Variants in MAST4 observed in about 807,000 individuals in gnomAD.
MAST4 encodes microtubule-associated serine/threonine-protein kinase 4.
MAST4 carries 89 observed loss-of-function variants against 162.7 expected under a neutral mutation model. The ratio of observed to expected loss-of-function variants is 0.55; its 90% confidence interval spans 0.46 to 0.65. The LOEUF (loss-of-function observed/expected upper bound fraction) is 0.65, where lower values mean the gene tolerates loss of function less well. Ranked by LOEUF, MAST4 falls within the 30% of genes least tolerant of loss-of-function variation. The probability of loss-of-function intolerance (pLI) is 0.00; values close to 1 mark genes in which losing one functional copy is unlikely to be tolerated. For missense variants in MAST4, 3,153 were observed against 3,374.0 expected, an observed-to-expected ratio of 0.93 and a Z score of 1.62; for synonymous variants, 1,479 against 1,361.1, an observed-to-expected ratio of 1.09 and a Z score of -1.91.
intron 1 of MAST4, among the ~76,000 whole-genome samples, chr5:66,734,612 C>G (rs1040870316): frequency 1.3e-5 from 2 of 152,132 alleles, no homozygotes; most frequent in Admixed American, 1.3e-4. Flanking sequence ...GTATTGCTGT[C>G]CAATAGCGCT....
chr5:66,952,244 C>T (rs1744796138), intron 4 of MAST4, among the ~76,000 whole-genome samples: 1 of 152,120 alleles, frequency 6.6e-6, no homozygotes, highest in Non-Finnish European at 1.5e-5. Context: ...CCACCCTGAT[C>T]TTTTCTCATA....
Position 67,163,081 on chromosome 5 carries a change from C to G in MAST4, c.3968-66C>G, listed in dbSNP as rs1042838205. ...CTGGCCTTACCTAATACAGTCTGGGCTACAACTGTGAAAAAAAGGGGAAAA... is the reference window on the plus strand; with the variant it reads ...CTGGCCTTACCTAATACAGTCTGGGGTACAACTGTGAAAAAAAGGGGAAAA... On this transcript the variant is annotated intron_variant, in intron 28 of 28. Coordinates refer to ENST00000403625, the MANE Select transcript of MAST4 (RefSeq NM_001164664.2). This position sits in a 1 kb window ranked among gnomAD's most constrained non-coding sequence, Gnocchi z 7.0. 2.6e-6 allele frequency: 4 copies of G among 1,520,924 alleles called. No individual in the cohort carries two copies. In the African/African-American group the frequency reaches 4.1e-5, roughly 16 times the overall value. 94.2% of individuals were successfully genotyped at this position (1,520,924 alleles called of 1,614,324 possible). A position where few individuals can be genotyped will look rare whatever the true frequency, so the allele number is the denominator to read the frequency against.
At chr5:67,033,657 TA>T (rs1755661477) in intron 4 of MAST4, among the ~76,000 whole-genome samples, 1 of 152,134 alleles carries the variant, frequency 6.6e-6, no homozygotes, top group Non-Finnish European at 1.5e-5. Flanking sequence ...TAGATTTCGT[TA>T]TATGATAAGC....
At chr5:66,963,649 A>C in intron 4 of MAST4, 1 of 777,310 alleles carries the variant, frequency 1.3e-6, no homozygotes, top group Non-Finnish European at 2.4e-6. Flanking sequence ...TAACTGAGCT[A>C]TGCTATTTTT....
chr5:67,144,351 G>A (rs564551934), intron 21 of MAST4, among the ~76,000 whole-genome samples: 1 of 152,080 alleles, frequency 6.6e-6, no homozygotes, highest in Non-Finnish European at 1.5e-5. Context: ...TTGATCCCAA[G>A]GCCTAGAAAC....
chr5:66,606,962 AATTAAAT>A (rs1252972282), intron 1 of MAST4, among the ~76,000 whole-genome samples: 128 of 148,300 alleles, frequency 8.6e-4, no homozygotes, highest in African/African-American at 3.0e-3. Context: ...TACTCATTTA[AATTAAAT>A]ATTAAATGAG....
At chr5:66,679,469 G>A (rs1198328998) in intron 1 of MAST4, among the ~76,000 whole-genome samples, 1 of 152,172 alleles carries the variant, frequency 6.6e-6, no homozygotes, top group Non-Finnish European at 1.5e-5. Flanking sequence ...TTCTGTGTCA[G>A]AGTACTTTGC....
chr5:67,087,765 C>T (rs559238242), intron 5 of MAST4, among the ~76,000 whole-genome samples: 11 of 152,154 alleles, frequency 7.2e-5, no homozygotes, highest in Non-Finnish European at 1.5e-4. Flanking sequence ...TATATATTTG[C>T]ATTTTAATTT....
At chr5:66,918,963 C>T (rs1468613246) in intron 4 of MAST4, among the ~76,000 whole-genome samples, 1 of 152,034 alleles carries the variant, frequency 6.6e-6, no homozygotes, top group African/African-American at 2.4e-5. Flanking sequence ...ATTAGCTGGG[C>T]ATGGTGGCAC....
At chr5:66,695,363 C>T (rs1324273864) in intron 1 of MAST4, among the ~76,000 whole-genome samples, 2 of 152,080 alleles carry the variant, frequency 1.3e-5, no homozygotes, top group African/African-American at 4.8e-5. Flanking sequence ...TATTCTGTTC[C>T]ATTGGTCTAT....
At chr5:66,974,815 A>G (rs1376868631) in intron 4 of MAST4, among the ~76,000 whole-genome samples, 2 of 152,238 alleles carry the variant, frequency 1.3e-5, no homozygotes, top group African/African-American at 2.4e-5. Flanking sequence ...TTTGCAAAGT[A>G]TAAGAGTTGT....
At chr5:67,134,494 A>G (rs368465778) in intron 17 of MAST4, 29 bp from the exon 18 acceptor site, 22 of 1,594,172 alleles carry the variant, frequency 1.4e-5, no homozygotes, top group Middle Eastern at 1.7e-4. Flanking sequence ...TAATATTCCA[A>G]TTATTCTAAT....
intron 1 of MAST4, among the ~76,000 whole-genome samples, chr5:66,608,387 G>C (rs78286256): frequency 5.2e-5 from 2 of 38,620 alleles, no homozygotes; most frequent in South Asian, 1.6e-3. Context: ...TTTTTTTTTT[G>C]ATGGCGAGAA....
At chr5:67,121,209 T>C (rs1767543242) in intron 14 of MAST4, 107 bp downstream of exon 14, 3 of 822,946 alleles carry the variant, frequency 3.6e-6, no homozygotes, top group Middle Eastern at 3.0e-4. Context: ...GGGACTTGAC[T>C]TTTCAGATCA....
At chr5:66,838,391 A>G (rs1159862464) in intron 3 of MAST4, among the ~76,000 whole-genome samples, 2 of 152,130 alleles carry the variant, frequency 1.3e-5, no homozygotes, top group African/African-American at 4.8e-5. Flanking sequence ...TTCTTTCAAT[A>G]AATGTTTAAT....
intron 6 of MAST4, among the ~76,000 whole-genome samples, chr5:67,091,803 C>T (rs1763893467): frequency 1.3e-5 from 2 of 151,946 alleles, no homozygotes; most frequent in African/African-American, 2.4e-5. Flanking sequence ...TAAAAAAATA[C>T]ATAACCCCCC....
chr5:66,746,367 A>G (rs1752759476), intron 1 of MAST4, among the ~76,000 whole-genome samples: 1 of 152,180 alleles, frequency 6.6e-6, no homozygotes, highest in Non-Finnish European at 1.5e-5. Context: ...TTTCTGGAAC[A>G]CAGTCGAACA....
At chr5:66,642,271 CA>C (rs780853133) in intron 1 of MAST4, among the ~76,000 whole-genome samples, 2 of 152,080 alleles carry the variant, frequency 1.3e-5, no homozygotes, top group Non-Finnish European at 2.9e-5. Flanking sequence ...AAATCTGAAC[CA>C]GGGGAAACTG....
chr5:66,692,411 CTTTT>C (rs34946179), intron 1 of MAST4, among the ~76,000 whole-genome samples: 10 of 145,448 alleles, frequency 6.9e-5, no homozygotes, highest in Admixed American at 4.8e-4. Context: ...CTCTTGCTCT[CTTTT>C]TTTTTTTTTT....
Sources: gnomAD v4.1 joint callset for allele counts (sites outside exome capture counted in the v4.1 genomes callset) on GRCh38, gnomAD v4.1.1 for gene constraint, Gnocchi (gnomAD v3.1) non-coding constraint, MANE v1.5 for transcripts, NCBI Gene and HGNC (gene_info 2026-07-23, HGNC 2026-07-21) for gene names.